Variants in DCC observed in about 807,000 individuals in gnomAD.
DCC encodes netrin receptor DCC.
DCC carries 58 observed loss-of-function variants against 172.5 expected under a neutral mutation model. The ratio of observed to expected loss-of-function variants is 0.34; its 90% CI spans 0.27 to 0.42. The LOEUF (loss-of-function observed/expected upper bound fraction) is 0.42. Ranked by LOEUF, DCC falls within the 10% of genes least tolerant of loss-of-function variation. The probability of loss-of-function intolerance (pLI) is 1.00; values close to 1 mark genes in which losing one functional copy is unlikely to be tolerated. For missense variants in DCC, 1,740 were observed against 1,791.0 expected (o/e 0.97, Z 0.51); for synonymous variants, 709 against 644.5 (o/e 1.10, Z -1.52).
chr18:52,406,402 A>G (rs1986653432), intron 1 of DCC, among the ~76,000 whole-genome samples: 1 of 151,938 alleles, frequency 6.6e-6, no homozygotes, highest in African/African-American at 2.4e-5. Context: ...AAAATGGGAG[A>G]AAATTTTCGC....
intron 7 of DCC, among the ~76,000 whole-genome samples, chr18:53,084,664 G>C (rs950763948): frequency 6.6e-6 from 1 of 152,062 alleles, no homozygotes; most frequent in Non-Finnish European, 1.5e-5. Flanking sequence ...TCTTTAAGTA[G>C]GAAAAGGCAA....
chr18:52,526,262 T>C lies in DCC; in HGVS notation c.91+185384T>C, dbSNP rs554856630. 3.3e-5 allele frequency among the ~76,000 whole-genome samples: 5 copies of C among 152,156 alleles called. No homozygotes were observed. In the East Asian group the frequency reaches 5.8e-4, roughly 18 times the overall value. The stretch of plus-strand genomic sequence containing the variant: ...TGTGTCAGATAAAAGAAAGCAGAGC[T>C]TGGAGAAAGAGGAACTAAGGGGAGG... On this transcript the variant is annotated intron_variant, in intron 1 of 28. Transcript: ENST00000442544.
chr18:52,725,283 A>T (rs1568065482), intron 1 of DCC, among the ~76,000 whole-genome samples: 1 of 152,176 alleles, frequency 6.6e-6, no homozygotes, highest in Non-Finnish European at 1.5e-5. Flanking sequence ...ATCAGTACAC[A>T]TTCCATTTCC....
intron 1 of DCC, among the ~76,000 whole-genome samples, chr18:52,491,732 T>C (rs1034217114): frequency 5.3e-5 from 8 of 152,128 alleles, no homozygotes; most frequent in African/African-American, 1.9e-4. Context: ...ATTTGATGTA[T>C]GCAATATGGG....
chr18:52,994,520 C>T (rs558126600), intron 5 of DCC, among the ~76,000 whole-genome samples: 1 of 152,134 alleles, frequency 6.6e-6, no homozygotes, highest in African/African-American at 2.4e-5. Flanking sequence ...GATTCTCATA[C>T]TTCAGTGAGT....
intron 1 of DCC, among the ~76,000 whole-genome samples, chr18:52,644,038 A>G (rs1189696413): frequency 6.6e-6 from 1 of 152,058 alleles, no homozygotes; most frequent in Non-Finnish European, 1.5e-5. Flanking sequence ...AGGAGTCCAT[A>G]TGAAATCCAT....
At chr18:53,072,029 G>A (rs2042658578) in intron 7 of DCC, among the ~76,000 whole-genome samples, 1 of 152,118 alleles carries the variant, frequency 6.6e-6, no homozygotes, top group Non-Finnish European at 1.5e-5. Context: ...TTGGGAGGCT[G>A]AGGCCAGGAC....
At chr18:52,914,222 A>T (rs1195100256) in intron 3 of DCC, among the ~76,000 whole-genome samples, 1 of 56,386 alleles carries the variant, frequency 1.8e-5, no homozygotes, top group Non-Finnish European at 5.3e-5. Flanking sequence ...ATCTAAAAAT[A>T]AAAAAAAATC....
rs565371614 is a variant in DCC at position 53,301,341 on chromosome 18, G to A, written c.1912-4237G>A. Among the ~76,000 whole-genome samples, 72 of 151,818 alleles carry A rather than the reference G, an allele frequency of 4.7e-4. 1 individual carries two copies. In the Middle Eastern group the frequency reaches 0.024, roughly 51 times the overall value. ...TGACCACAGGTGATCCACCTGCCTC[G>A]GCCTCCCAAAGTGCTGGGATTACAG... On this transcript the variant is annotated intron_variant, in intron 12 of 28. Coordinates refer to ENST00000442544, the MANE Select transcript of DCC (RefSeq NM_005215.4).
At chr18:52,444,589 A>C (rs1356407001) in intron 1 of DCC, among the ~76,000 whole-genome samples, 1 of 152,222 alleles carries the variant, frequency 6.6e-6, no homozygotes, top group East Asian at 1.9e-4. Context: ...TTTGCATTTG[A>C]ATATGGAATA....
chr18:52,785,569 A>G (rs1411627226), intron 2 of DCC, among the ~76,000 whole-genome samples: 3 of 151,996 alleles, frequency 2.0e-5, no homozygotes, highest in African/African-American at 4.8e-5. Flanking sequence ...CCTGGGGTCA[A>G]TCTAAGGGTC....
chr18:53,429,265 T>TCATTTGCCAGA (rs1911449340), intron 21 of DCC, among the ~76,000 whole-genome samples: 2 of 147,214 alleles, frequency 1.4e-5, no homozygotes. Flanking sequence ...TAGAAGATGG[T>TCATTTGCCAGA]CTCTGCAAGA....
intron 2 of DCC, among the ~76,000 whole-genome samples, chr18:52,887,878 A>G (rs2039591551): frequency 6.6e-6 from 1 of 152,142 alleles, no homozygotes; most frequent in Non-Finnish European, 1.5e-5. Context: ...TGGTTTTTCC[A>G]AGTAGGAGAC....
rs183003398 is a variant in DCC, at chr18:52,708,493, C to A, written c.92-43561C>A. 3.5e-3 allele frequency among the ~76,000 whole-genome samples: 537 copies of A among 151,412 alleles called. 2 individuals are homozygous for A. The highest frequency in any genetic ancestry group is 8.4e-3 in the Admixed American group (127 of 15,208). ...ATAATTGGAAAACCCTAACCCAGAACCAGAACTCTAGTAGATAGGACCACA... is the reference window on the plus strand; with the variant it reads ...ATAATTGGAAAACCCTAACCCAGAAACAGAACTCTAGTAGATAGGACCACA... On this transcript the variant is annotated intron_variant, in intron 1 of 28. Transcript: ENST00000442544.
At chr18:53,292,675 G>A (rs1409240035) in intron 12 of DCC, among the ~76,000 whole-genome samples, 3 of 152,158 alleles carry the variant, frequency 2.0e-5, no homozygotes, top group African/African-American at 7.2e-5. Flanking sequence ...GGTGACAAGA[G>A]CGAAACTCCG....
In DCC at chr18:52,508,454, A is replaced by T. The variant is rs112661535; in HGVS notation, c.91+167576A>T. 2.7e-4 allele frequency among the ~76,000 whole-genome samples: 41 copies of T among 152,342 alleles called. 1 individual carries two copies. The highest frequency in any genetic ancestry group is 9.1e-4 in the African/African-American group (38 of 41,586). On this transcript the variant is annotated intron_variant, in intron 1 of 28. Coordinates refer to ENST00000442544, the MANE Select transcript of DCC (RefSeq NM_005215.4). Reference sequence around the variant, plus strand: ...AGATTACACAGCATGCCTTTATATTAAACAGATGTTGAACCACACCTATAA... The same window carrying T: ...AGATTACACAGCATGCCTTTATATTTAACAGATGTTGAACCACACCTATAA...
At chr18:53,228,086 C>A (rs983526063) in intron 12 of DCC, among the ~76,000 whole-genome samples, 8 of 152,136 alleles carry the variant, frequency 5.3e-5, no homozygotes, top group Admixed American at 1.3e-4. Context: ...ACTACAGTAT[C>A]AACATGTATT....
At chr18:53,255,825 AC>A (rs1231557376) in intron 12 of DCC, among the ~76,000 whole-genome samples, 1 of 152,168 alleles carries the variant, frequency 6.6e-6, no homozygotes, top group Admixed American at 6.5e-5. Flanking sequence ...TTACAGTTCC[AC>A]CAACAGTGTA....
intron 15 of DCC, among the ~76,000 whole-genome samples, chr18:53,366,192 G>A (rs2058002981): frequency 6.6e-6 from 1 of 151,998 alleles, no homozygotes; most frequent in African/African-American, 2.4e-5. Flanking sequence ...GAGTAGCTGG[G>A]ATTGGAGGCA....
Sources: gnomAD v4.1 joint callset for allele counts (sites outside exome capture counted in the v4.1 genomes callset) on GRCh38, gnomAD v4.1.1 for gene constraint, MANE v1.5 for transcripts, NCBI Gene and HGNC (gene_info 2026-07-23, HGNC 2026-07-21) for gene names.